The following MAN1A2 variants were observed in gnomAD, a reference collection of about 807,000 sequenced individuals.
MAN1A2 encodes mannosidase alpha class 1A member 2.
In MAN1A2, 26 loss-of-function variants were observed where a neutral mutation model predicts 75.7. That is an observed-to-expected ratio of 0.34 (90% CI 0.25 to 0.48). The LOEUF is 0.48. Among genes scored for constraint, MAN1A2 ranks in the 20% least tolerant of loss-of-function variants. MAN1A2 has a pLI of 0.99. For synonymous variants in MAN1A2, 247 were observed against 264.6 expected (o/e 0.93, Z 0.65); for missense variants, 562 against 775.5 (o/e 0.72, Z 3.27).
intron 3 of MAN1A2, among the ~76,000 whole-genome samples, chr1:117,413,666 A>G (rs1647893975): frequency 1.3e-5 from 2 of 151,848 alleles, no homozygotes; most frequent in African/African-American, 4.8e-5. Context: ...TTTTTTTGCA[A>G]CTTTTATCTT....
intron 5 of MAN1A2, among the ~76,000 whole-genome samples, chr1:117,435,829 G>A (rs942293093): frequency 6.6e-6 from 1 of 152,102 alleles, no homozygotes; most frequent in Admixed American, 6.5e-5. Flanking sequence ...AGGCCGAGGC[G>A]GGCGGATCAC....
intron 9 of MAN1A2, chr1:117,494,811 C>CT (rs2101875054): frequency 6.6e-6 from 1 of 152,012 alleles, no homozygotes; most frequent in Non-Finnish European, 1.5e-5. Context: ...GAAAATAGCT[C>CT]TTAGTAATTC....
chr1:117,458,601 G>A (rs1383120176), intron 6 of MAN1A2, among the ~76,000 whole-genome samples: 1 of 146,538 alleles, frequency 6.8e-6, no homozygotes, highest in Non-Finnish European at 1.5e-5. Context: ...TTGGCTCACT[G>A]CCACCTCTGC....
intron 5 of MAN1A2, among the ~76,000 whole-genome samples, chr1:117,421,030 T>C (rs1256740785): frequency 6.6e-6 from 1 of 152,038 alleles, no homozygotes; most frequent in Non-Finnish European, 1.5e-5. Context: ...AATTAGTAAT[T>C]CAAACTTACT....
chr1:117,512,791 A>G (rs1033059635), intron 12 of MAN1A2, among the ~76,000 whole-genome samples: 36 of 150,368 alleles, frequency 2.4e-4, no homozygotes, highest in Non-Finnish European at 1.5e-5. Context: ...ACACGTAGGA[A>G]CACACAAAGT....
chr1:117,459,234 C>G (rs1215358081), intron 6 of MAN1A2, among the ~76,000 whole-genome samples: 1 of 152,128 alleles, frequency 6.6e-6, no homozygotes, highest in African/African-American at 2.4e-5. Context: ...GGGACAAAAT[C>G]TCATATAGAA....
chr1:117,486,625 C>G (rs10923318), intron 8 of MAN1A2, among the ~76,000 whole-genome samples: 4 of 151,812 alleles, frequency 2.6e-5, no homozygotes, highest in African/African-American at 4.8e-5. Flanking sequence ...GACATTAAAG[C>G]TTCAGTGAAG....
intron 4 of MAN1A2, among the ~76,000 whole-genome samples, chr1:117,417,534 A>AATATATATACATATAT (rs1553232781): frequency 2.2e-5 from 2 of 89,218 alleles, no homozygotes; most frequent in African/African-American, 9.1e-5. Context: ...CTTGAGTTTA[A>AATATATATACATATAT]ATATATATAT....
In MAN1A2 at chr1:117,474,386, G is replaced by GTTT. The variant is rs3835642; in HGVS notation, c.1168+7969_1168+7971dup. On this transcript the variant is annotated intron_variant, in intron 8 of 12. Coordinates refer to ENST00000356554, the MANE Select transcript of MAN1A2 (RefSeq NM_006699.5). Reference sequence around the variant, plus strand: ...TATGTGGATCACCAGTATTCCATGAGTTTTTTTTTTTTACTTTGATCAATT... The same window carrying GTTT: ...TATGTGGATCACCAGTATTCCATGAGTTTTTTTTTTTTTTTACTTTGATCAATT... 2.0e-3 allele frequency among the ~76,000 whole-genome samples: 288 copies of GTTT among 147,238 alleles called. 2 individuals carry two copies. The highest frequency in any genetic ancestry group is 6.8e-3 in the African/African-American group (274 of 40,280).
At chr1:117,393,175 T>C (rs540340222) in intron 1 of MAN1A2, among the ~76,000 whole-genome samples, 32 of 152,342 alleles carry the variant, frequency 2.1e-4, no homozygotes, top group African/African-American at 6.5e-4. Flanking sequence ...TGGTAGAGTA[T>C]GTTCATTTGC....
chr1:117,451,466 G>T (rs1649415532), intron 6 of MAN1A2, among the ~76,000 whole-genome samples: 1 of 152,166 alleles, frequency 6.6e-6, no homozygotes, highest in African/African-American at 2.4e-5. Context: ...TGTTGGGAAG[G>T]CATGATTGGT....
chr1:117,511,058 C>A (rs1373723425), intron 12 of MAN1A2, among the ~76,000 whole-genome samples: 2 of 151,888 alleles, frequency 1.3e-5, no homozygotes, highest in African/African-American at 4.8e-5. Context: ...ACTGGGGAAG[C>A]CTCAGGAAGC....
At chr1:117,372,763 A>T (rs572059856) in intron 1 of MAN1A2, among the ~76,000 whole-genome samples, 36 of 151,090 alleles carry the variant, frequency 2.4e-4, no homozygotes, top group East Asian at 5.8e-4. Context: ...TTTTTTTTTT[A>T]AAACTGACAT....
Position 117,523,052 on chromosome 1 carries a change from T to G in MAN1A2, c.*95T>G. The G allele has an allele frequency of 7.5e-7, 1 of 1,330,682 alleles. No individual in the cohort carries two copies. Among genetic ancestry groups the G allele is most frequent in the Non-Finnish European group, 1.1e-6 (1 of 935,520 alleles). The allele number at this position is 1,330,682 out of a possible 1,614,324, so 82.4% of individuals were successfully genotyped here. ...GGGGCGGCTTTTGAAAACCTGGACCTCTATGTCAACATGACAGGGTGAAAC... is the reference window on the plus strand; with the variant it reads ...GGGGCGGCTTTTGAAAACCTGGACCGCTATGTCAACATGACAGGGTGAAAC... On this transcript the variant is annotated 3_prime_UTR_variant, in exon 13 of 13. Transcript: ENST00000356554.
intron 9 of MAN1A2, 46 bp from the exon 10 acceptor site, chr1:117,496,717 C>G: frequency 7.3e-7 from 1 of 1,364,530 alleles, no homozygotes; most frequent in Non-Finnish European, 1.0e-6. Flanking sequence ...AGTTTGAACA[C>G]TAATAGTTTG....
At chr1:117,500,453 G>A (rs1157880198) in intron 11 of MAN1A2, among the ~76,000 whole-genome samples, 2 of 151,844 alleles carry the variant, frequency 1.3e-5, no homozygotes, top group African/African-American at 2.4e-5. Flanking sequence ...GTTTTATAAG[G>A]GGGAAGGAAC....
At chr1:117,372,965 A>G (rs146491857) in intron 1 of MAN1A2, among the ~76,000 whole-genome samples, 22 of 152,288 alleles carry the variant, frequency 1.4e-4, no homozygotes, top group Non-Finnish European at 2.6e-4. Context: ...GGAGTTATAA[A>G]TAAGGCTGCA....
chr1:117,457,487 G>A (rs1448114390), intron 6 of MAN1A2, among the ~76,000 whole-genome samples: 1 of 151,968 alleles, frequency 6.6e-6, no homozygotes. Context: ...TTATTTTTCT[G>A]AGTTGCTAGG....
At position 117,526,880 on chromosome 1, in the gene MAN1A2, C is replaced by CTCTCTATATATATATATATATATA; in HGVS notation, c.*3924_*3925insCTCTATATATATATATATATATAT. 3 of 54,512 alleles carry CTCTCTATATATATATATATATATA rather than the reference C, an allele frequency of 5.5e-5. No homozygotes were observed. Among genetic ancestry groups the CTCTCTATATATATATATATATATA allele is most frequent in the South Asian group, 6.4e-4 (1 of 1,566 alleles). The allele number at this position is 54,512 out of a possible 1,614,324, so 3.4% of individuals were successfully genotyped here. On this transcript the variant is annotated 3_prime_UTR_variant, in exon 13 of 13. Coordinates refer to ENST00000356554, the MANE Select transcript of MAN1A2 (RefSeq NM_006699.5). The stretch of plus-strand genomic sequence containing the variant: ...TCTCTCTCTCTCTCTCTCTCTCTCT[C>CTCTCTATATATATATATATATATA]TATATATATATATATATATATATAT...
Sources: gnomAD v4.1 joint callset for allele counts (sites outside exome capture counted in the v4.1 genomes callset) on GRCh38, gnomAD v4.1.1 for gene constraint, MANE v1.5 for transcripts, NCBI Gene and HGNC (gene_info 2026-07-23, HGNC 2026-07-21) for gene names.